MEI1: variants seen among roughly 807,000 people sequenced by gnomAD.
MEI1 encodes meiosis inhibitor protein 1.
Under a neutral mutation model 146.2 loss-of-function variants are expected in MEI1, and 103 were observed. The observed-to-expected ratio is 0.70, with a 90% CI of 0.60 to 0.83. The LOEUF (loss-of-function observed/expected upper bound fraction) is 0.83, where lower values mean the gene tolerates loss of function less well. Ranked by LOEUF, MEI1 falls within the 40% of genes least tolerant of loss-of-function variation. The probability of loss-of-function intolerance (pLI) is 0.00; values close to 1 mark genes in which losing one functional copy is unlikely to be tolerated. For missense variants in MEI1, 1,529 were observed against 1,533.0 expected, an observed-to-expected ratio of 1.00 and a Z score of 0.04; for synonymous variants, 652 against 628.2, an observed-to-expected ratio of 1.04 and a Z score of -0.57.
At chr22:41,758,562 G>C (rs1442340625) in intron 18 of MEI1, 29 bp downstream of exon 18, 1 of 1,594,736 alleles carries the variant, frequency 6.3e-7, no homozygotes, top group Non-Finnish European at 8.6e-7. Flanking sequence ...GTGGCTGGTG[G>C]TGGGTCTTGG....
intron 4 of MEI1, among the ~76,000 whole-genome samples, chr22:41,715,660 G>T: frequency 6.6e-6 from 1 of 152,022 alleles, no homozygotes; most frequent in African/African-American, 2.4e-5. Flanking sequence ...CTCCCAAAAT[G>T]CTGGGATTAC....
At chr22:41,700,697 TC>T (rs1218903643) in intron 1 of MEI1, among the ~76,000 whole-genome samples, 1 of 151,496 alleles carries the variant, frequency 6.6e-6, no homozygotes, top group East Asian at 1.9e-4. Context: ...TCTCTCCAAT[TC>T]ATGGGAGGGG....
chr22:41,713,970 T>A, intron 3 of MEI1, 32 bp from the exon 4 acceptor site: 1 of 1,557,106 alleles, frequency 6.4e-7, no homozygotes. Flanking sequence ...TGGGGGTGCC[T>A]CCTGGTTAGT....
chr22:41,798,583 AAAAG>A (rs2076459959), intron 30 of MEI1, among the ~76,000 whole-genome samples: 1 of 147,220 alleles, frequency 6.8e-6, no homozygotes, highest in Non-Finnish European at 1.5e-5. Context: ...GTCTCAAAAA[AAAAG>A]AAAGCTTGGG....
At chr22:41,779,571 G>A (rs943766085) in intron 22 of MEI1, among the ~76,000 whole-genome samples, 1 of 152,128 alleles carries the variant, frequency 6.6e-6, no homozygotes, top group Non-Finnish European at 1.5e-5. Flanking sequence ...TTCCTCATAG[G>A]TAAAGTAGTA....
intron 12 of MEI1, among the ~76,000 whole-genome samples, chr22:41,743,696 T>G (rs2073063819): frequency 6.6e-6 from 1 of 152,220 alleles, no homozygotes; most frequent in African/African-American, 2.4e-5. Flanking sequence ...GGATTAACTT[T>G]GGAAACTAAG....
chr22:41,735,704 C>A lies in MEI1; in HGVS notation c.1331+3101C>A, dbSNP rs150343733. ...TGAATTTATATCTTGAAAGAAAATT[C>A]TCTTTCATTTTGGTAAGGAGTAGCA... On this transcript the variant is annotated intron_variant, in intron 11 of 30. Coordinates refer to ENST00000401548, the MANE Select transcript of MEI1 (RefSeq NM_152513.4). 2.6e-5 allele frequency among the ~76,000 whole-genome samples: 4 copies of A among 152,190 alleles called. No individual in the cohort carries two copies. In the East Asian group the frequency reaches 7.7e-4, roughly 29 times the overall value.
In MEI1 at chr22:41,795,104, G is replaced by A. The variant is rs2076314914; in HGVS notation, c.3535-307G>A. On this transcript the variant is annotated intron_variant, in intron 28 of 30. Transcript: ENST00000401548. This position sits in a 1 kb window ranked among gnomAD's most constrained non-coding sequence, Gnocchi z 4.2. ...CAAACAACAGGTACAAGAGCACATGGTGGTATGTCAGGGGAGCCACACGTA... is the reference window on the plus strand; with the variant it reads ...CAAACAACAGGTACAAGAGCACATGATGGTATGTCAGGGGAGCCACACGTA... Among the ~76,000 whole-genome samples, 1 of 152,238 alleles carries A rather than the reference G, an allele frequency of 6.6e-6. No individual in the cohort carries two copies. The highest frequency in any genetic ancestry group is 6.5e-5 in the Admixed American group (1 of 15,284).
intron 15 of MEI1, 141 bp from the exon 16 acceptor site, chr22:41,752,450 C>A: frequency 1.3e-6 from 1 of 741,746 alleles, no homozygotes; most frequent in Non-Finnish European, 2.3e-6. Flanking sequence ...CGGAGTGAAA[C>A]TACTAGACAG....
rs567497804 is a variant in MEI1, at chr22:41,784,629, G to A, written c.3191G>A (p.Arg1064Gln). ...CCAGCTGCCATCTTATGCTTCCTGC[G>A]GACAGCCCTGCGACAAAGCTTTTCC... ...LLSAAILCFL[R>Q]TALRQSFSSA... Residue 1064 changes from arginine (R) to glutamine (Q), a missense_variant, in exon 26 of 31, where the codon CGG becomes CAG. Arg to Gln is a conservative substitution (Grantham distance 43). This residue lies in a region of MEI1 where 313 missense variants were observed against 337.3 expected (regional missense o/e 0.93). Coordinates refer to ENST00000401548, the MANE Select transcript of MEI1 (RefSeq NM_152513.4). 16 of 1,612,912 alleles carry A rather than the reference G, an allele frequency of 9.9e-6. No homozygotes were observed. The highest frequency in any genetic ancestry group is 1.7e-5 in the Admixed American group (1 of 59,996).
At chr22:41,747,629 G>A (rs755398278) in intron 14 of MEI1, among the ~76,000 whole-genome samples, 21 of 151,990 alleles carry the variant, frequency 1.4e-4, no homozygotes, top group Admixed American at 6.6e-4. Flanking sequence ...GCTTGAACCC[G>A]AGAGGCAGAG....
intron 11 of MEI1, among the ~76,000 whole-genome samples, chr22:41,733,034 A>G (rs576931666): frequency 1.3e-5 from 2 of 151,850 alleles, no homozygotes; most frequent in African/African-American, 2.4e-5. Flanking sequence ...ACCTGTCTCA[A>G]CCTCCCAAAG....
chr22:41,753,025 T>A (rs2073872825), intron 16 of MEI1, among the ~76,000 whole-genome samples: 1 of 151,954 alleles, frequency 6.6e-6, no homozygotes, highest in African/African-American at 2.4e-5. Flanking sequence ...CTACAATTTT[T>A]TTTTTTTTTT....
At chr22:41,711,390 C>T (rs1185869189) in intron 3 of MEI1, among the ~76,000 whole-genome samples, 1 of 152,126 alleles carries the variant, frequency 6.6e-6, no homozygotes, top group Non-Finnish European at 1.5e-5. Flanking sequence ...CCAGGATGGT[C>T]TCGATTTCTT....
intron 14 of MEI1, among the ~76,000 whole-genome samples, chr22:41,747,838 T>A (rs1569241158): frequency 3.3e-5 from 5 of 151,960 alleles, no homozygotes; most frequent in Admixed American, 3.3e-4. Flanking sequence ...GAAAGCAGTT[T>A]TTACACACCA....
At chr22:41,762,792 T>C (rs1193600150) in intron 18 of MEI1, among the ~76,000 whole-genome samples, 3 of 152,138 alleles carry the variant, frequency 2.0e-5, no homozygotes, top group Admixed American at 6.6e-5. Flanking sequence ...TGGTGTTATA[T>C]CTGTTAAATA....
intron 26 of MEI1, among the ~76,000 whole-genome samples, chr22:41,785,546 G>A (rs1051267139): frequency 6.6e-6 from 1 of 151,896 alleles, no homozygotes; most frequent in African/African-American, 2.4e-5. Context: ...ACAGGTGTGA[G>A]CCACTGCACC....
intron 20 of MEI1, among the ~76,000 whole-genome samples, chr22:41,773,041 C>T (rs2075270571): frequency 6.6e-6 from 1 of 152,210 alleles, no homozygotes; most frequent in Non-Finnish European, 1.5e-5. Flanking sequence ...TTAAAAGAAG[C>T]AAACCAAACA....
chr22:41,798,304 C>T (rs960907272), intron 30 of MEI1, among the ~76,000 whole-genome samples: 6 of 152,140 alleles, frequency 3.9e-5, no homozygotes, highest in African/African-American at 1.4e-4. Flanking sequence ...TGGCCGGGTG[C>T]AGTGGCTCAC....
Sources: gnomAD v4.1 joint callset for allele counts (sites outside exome capture counted in the v4.1 genomes callset) on GRCh38, gnomAD v4.1.1 for gene constraint, gnomAD v4.1.1 regional missense constraint, Gnocchi (gnomAD v3.1) non-coding constraint, MANE v1.5 for transcripts, NCBI Gene and HGNC (gene_info 2026-07-23, HGNC 2026-07-21) for gene names.